DTNB: variants seen among roughly 807,000 people sequenced by gnomAD.
DTNB encodes the protein DTN-B.
A neutral mutation model predicts 90.7 loss-of-function variants in DTNB; 63 were observed. The ratio of observed to expected loss-of-function variants is 0.69; its 90% confidence interval spans 0.57 to 0.86. DTNB has a LOEUF of 0.86. Among genes scored for constraint, DTNB ranks in the 40% least tolerant of loss-of-function variants. The pLI, the probability that DTNB is intolerant of heterozygous loss-of-function variation, is 0.00. For synonymous variants in DTNB, 277 were observed against 286.7 expected (o/e 0.97, Z 0.34); for missense variants, 744 against 807.1 (o/e 0.92, Z 0.95).
intron 5 of DTNB, among the ~76,000 whole-genome samples, chr2:25,606,178 G>T: frequency 7.5e-6 from 1 of 134,082 alleles, no homozygotes; most frequent in Non-Finnish European, 1.6e-5. Context: ...TCAAACCTCT[G>T]TATCTTTCAA....
At chr2:25,381,861 C>G (rs1021284679) in intron 19 of DTNB, among the ~76,000 whole-genome samples, 1 of 152,246 alleles carries the variant, frequency 6.6e-6, no homozygotes, top group East Asian at 1.9e-4. Context: ...TTCCTTGCCC[C>G]GTGAGACTCC....
chr2:25,539,251 G>T (rs987531486), intron 8 of DTNB, among the ~76,000 whole-genome samples: 1 of 152,162 alleles, frequency 6.6e-6, no homozygotes, highest in African/African-American at 2.4e-5. Flanking sequence ...TAAGAATTTT[G>T]TAAGAGTGGA....
chr2:25,445,924 T>TG (rs1483712888), intron 12 of DTNB, among the ~76,000 whole-genome samples: 2 of 151,330 alleles, frequency 1.3e-5, no homozygotes, highest in Non-Finnish European at 2.9e-5. Context: ...TGGGTAGTTT[T>TG]TTTTTTTTTT....
chr2:25,609,657 TACAC>T (rs4007298), intron 4 of DTNB, among the ~76,000 whole-genome samples: 28,934 of 127,038 alleles, frequency 0.23, 3,200 homozygotes, highest in Non-Finnish European at 0.29. Flanking sequence ...TAATAGAATG[TACAC>T]ACACACACAC....
intron 18 of DTNB, among the ~76,000 whole-genome samples, chr2:25,386,431 C>A (rs186780139): frequency 6.6e-6 from 1 of 152,284 alleles, no homozygotes; most frequent in African/African-American, 2.4e-5. Context: ...TTTAAAAGCA[C>A]TACATTAGGT....
At chr2:25,519,637 ATGCACCAG>A (rs1416628581) in intron 9 of DTNB, among the ~76,000 whole-genome samples, 3 of 152,180 alleles carry the variant, frequency 2.0e-5, no homozygotes, top group Non-Finnish European at 4.4e-5. Flanking sequence ...ACAGTCTGAG[ATGCACCAG>A]TGAGCATTTC....
At chr2:25,608,179 T>C (rs1270394300) in intron 4 of DTNB, among the ~76,000 whole-genome samples, 1 of 152,248 alleles carries the variant, frequency 6.6e-6, no homozygotes, top group African/African-American at 2.4e-5. Flanking sequence ...CAATGTTTCA[T>C]TGTAACTTAG....
At chr2:25,470,245 T>G (rs1027092163) in intron 10 of DTNB, among the ~76,000 whole-genome samples, 3 of 152,122 alleles carry the variant, frequency 2.0e-5, no homozygotes, top group Admixed American at 6.6e-5. Context: ...CAAAAAAATA[T>G]TCCAGTGAAA....
At chr2:25,668,112 G>A (rs1312905696) in intron 1 of DTNB, among the ~76,000 whole-genome samples, 4 of 152,090 alleles carry the variant, frequency 2.6e-5, no homozygotes, top group South Asian at 2.1e-4. Context: ...GGTGGCGGAC[G>A]CCTGTAGTCC....
intron 12 of DTNB, among the ~76,000 whole-genome samples, chr2:25,450,987 T>C (rs990734887): frequency 6.6e-6 from 1 of 152,114 alleles, no homozygotes; most frequent in African/African-American, 2.4e-5. Context: ...GTATTTTTTA[T>C]AGAGACAGCA....
chr2:25,621,365 T>C (rs1349912936), intron 4 of DTNB, among the ~76,000 whole-genome samples: 1 of 152,324 alleles, frequency 6.6e-6, no homozygotes, highest in East Asian at 1.9e-4. Context: ...CTTTGTTTTG[T>C]ATTGTTTTGT....
At chr2:25,479,326 T>C (rs936384832) in intron 10 of DTNB, among the ~76,000 whole-genome samples, 2 of 152,134 alleles carry the variant, frequency 1.3e-5, no homozygotes, top group African/African-American at 4.8e-5. Context: ...AGAACACAAT[T>C]CACATTCTGA....
chr2:25,457,724 T>A (rs2060264297), intron 10 of DTNB, among the ~76,000 whole-genome samples: 1 of 152,226 alleles, frequency 6.6e-6, no homozygotes, highest in African/African-American at 2.4e-5. Flanking sequence ...ATCATTCTAT[T>A]TATAGCATTC....
chr2:25,608,999 C>T (rs2067776585), intron 4 of DTNB, among the ~76,000 whole-genome samples: 1 of 152,136 alleles, frequency 6.6e-6, no homozygotes, highest in Non-Finnish European at 1.5e-5. Flanking sequence ...ATTCTTGGGG[C>T]AGCACCCAGA....
intron 8 of DTNB, among the ~76,000 whole-genome samples, chr2:25,571,660 A>G (rs1489350039): frequency 6.6e-6 from 1 of 152,044 alleles, no homozygotes; most frequent in East Asian, 1.9e-4. Flanking sequence ...TCCTGACTCC[A>G]CTTGCTACTC....
chr2:25,545,022 C>G (rs756265639), intron 8 of DTNB, among the ~76,000 whole-genome samples: 3 of 152,084 alleles, frequency 2.0e-5, no homozygotes, highest in Non-Finnish European at 2.9e-5. Flanking sequence ...TTTGTTCCAC[C>G]CTTTATATCC....
chr2:25,522,062 C>T (rs1447432525), intron 9 of DTNB, among the ~76,000 whole-genome samples: 3 of 152,102 alleles, frequency 2.0e-5, no homozygotes, highest in African/African-American at 7.3e-5. Context: ...TGCTTGAATT[C>T]GGATCACAGG....
intron 15 of DTNB, among the ~76,000 whole-genome samples, chr2:25,423,234 G>C (rs913342828): frequency 6.6e-6 from 1 of 152,072 alleles, no homozygotes; most frequent in African/African-American, 2.4e-5. Flanking sequence ...GAGGGTCCTT[G>C]ATACTCCTTG....
chr2:25,652,532 T>TAAA (rs137982132), intron 2 of DTNB, 62 bp downstream of exon 2: 62,352 of 1,257,336 alleles, frequency 0.05, 54 homozygotes, highest in East Asian at 0.068. Flanking sequence ...TGACTTGATC[T>TAAA]AAAAAAAAAA....
Sources: allele counts gnomAD v4.1 joint callset (sites outside exome capture counted in the v4.1 genomes callset), GRCh38; gene constraint gnomAD v4.1.1; transcripts MANE v1.5; gene names NCBI Gene and HGNC (gene_info 2026-07-23, HGNC 2026-07-21).